Variants in SPATA13 observed in about 807,000 individuals in gnomAD.
The protein encoded by SPATA13 is spermatogenesis associated 13, also known as spermatogenesis-associated protein 13.
A neutral mutation model predicts 104.0 loss-of-function variants in SPATA13; 50 were observed. The observed-to-expected ratio is 0.48, with a 90% confidence interval of 0.38 to 0.61. SPATA13 has a LOEUF of 0.61. SPATA13 is among the 20% of genes least tolerant of loss of function. The probability of loss-of-function intolerance (pLI) is 0.00; values close to 1 mark genes in which losing one functional copy is unlikely to be tolerated. For missense variants in SPATA13, 1,524 were observed against 1,690.6 expected (o/e 0.90, Z 1.73); for synonymous variants, 606 against 667.5 (o/e 0.91, Z 1.42).
chr13:24,116,077 T>C (rs558728478), intron 3 of SPATA13, among the ~76,000 whole-genome samples: 1 of 152,348 alleles, frequency 6.6e-6, no homozygotes, highest in South Asian at 2.1e-4. Flanking sequence ...GGTGAGTATA[T>C]AGATGTCCTA....
At chr13:24,141,608 A>AT (rs1869475354) in intron 3 of SPATA13, among the ~76,000 whole-genome samples, 1 of 152,206 alleles carries the variant, frequency 6.6e-6, no homozygotes, top group Admixed American at 6.5e-5. Context: ...TCCCTGTGAT[A>AT]ACATGAGTAC....
At chr13:24,270,151 A>G (rs574524621) in intron 4 of SPATA13, among the ~76,000 whole-genome samples, 2 of 152,314 alleles carry the variant, frequency 1.3e-5, no homozygotes, top group South Asian at 4.1e-4. Context: ...CTCTTTGTTA[A>G]CAGTCATTTT....
At chr13:24,086,458 T>G (rs1879723062) in intron 3 of SPATA13, among the ~76,000 whole-genome samples, 1 of 151,972 alleles carries the variant, frequency 6.6e-6, no homozygotes. Context: ...TAGGGAAACG[T>G]GGGCAGTCAT....
intron 2 of SPATA13, among the ~76,000 whole-genome samples, chr13:24,245,195 T>G (rs1003173016): frequency 2.6e-5 from 4 of 152,100 alleles, no homozygotes; most frequent in African/African-American, 4.8e-5. Flanking sequence ...ATGGGACATG[T>G]GTGTCTACAG....
Position 24,224,026 on chromosome 13 carries a change from C to T in SPATA13, c.1097C>T (p.Ser366Phe), listed in dbSNP as rs1244076900. 2 of 1,549,184 alleles carry T rather than the reference C, an allele frequency of 1.3e-6. No individual in the cohort carries two copies. Among genetic ancestry groups the T allele is most frequent in the Non-Finnish European group, 1.7e-6 (2 of 1,145,748 alleles). ...CATGACGACTACTCCCGCCGCGTCT[C>T]CAGGAGCACTGAGCAGGACAGCAGG... ...RLHDDYSRRV[S>F]RSTEQDSRRG... The change falls in exon 2 of 13, where the codon TCC becomes TTC. Residue 366 changes from serine to phenylalanine, a missense_variant. Physicochemically the swap from Ser to Phe is radical, Grantham distance 155. Transcript: ENST00000382108.
intron 4 of SPATA13, among the ~76,000 whole-genome samples, chr13:24,254,977 C>G (rs1873710756): frequency 6.6e-6 from 1 of 152,196 alleles, no homozygotes; most frequent in South Asian, 2.1e-4. Context: ...ATCTCATGCT[C>G]TGCGGGTATT....
chr13:24,055,128 C>T (rs17079844), intron 3 of SPATA13, among the ~76,000 whole-genome samples: 1,813 of 152,296 alleles, frequency 0.012, 79 homozygotes, highest in East Asian at 0.11. Context: ...ACATATATGG[C>T]ACAGAGCGAT....
chr13:24,080,768 G>A (rs996659069), intron 3 of SPATA13, among the ~76,000 whole-genome samples: 1 of 152,168 alleles, frequency 6.6e-6, no homozygotes, highest in Non-Finnish European at 1.5e-5. Flanking sequence ...CATGTGGAAC[G>A]TCCATCGCAC....
chr13:24,017,156 C>G (rs567316031), intron 2 of SPATA13, among the ~76,000 whole-genome samples: 12 of 152,308 alleles, frequency 7.9e-5, no homozygotes, highest in African/African-American at 2.6e-4. Flanking sequence ...TCCTGAGTTA[C>G]GAATAGAGAA....
chr13:24,147,165 A>C (rs1025982971), intron 3 of SPATA13, among the ~76,000 whole-genome samples: 1 of 152,122 alleles, frequency 6.6e-6, no homozygotes, highest in African/African-American at 2.4e-5. Context: ...TTATAATTAA[A>C]ATTGTTTCAA....
intron 1 of SPATA13, chr13:23,980,065 CG>C (rs1874804487): frequency 6.6e-6 from 1 of 152,196 alleles, no homozygotes; most frequent in African/African-American, 2.4e-5. Context: ...TCAGCGGCTC[CG>C]GGTAGGAGAA....
intron 2 of SPATA13, among the ~76,000 whole-genome samples, chr13:24,237,881 ATT>A (rs1566166829): frequency 6.8e-6 from 1 of 147,982 alleles, no homozygotes; most frequent in African/African-American, 2.5e-5. Context: ...AATATATATC[ATT>A]TATAATATAT....
chr13:24,191,349 T>G (rs889567523), intron 1 of SPATA13, among the ~76,000 whole-genome samples: 1 of 152,050 alleles, frequency 6.6e-6, no homozygotes, highest in Non-Finnish European at 1.5e-5. Context: ...TACAGTATAA[T>G]GTACACATAA....
chr13:24,207,757 G>A (rs1870785770), intron 1 of SPATA13, among the ~76,000 whole-genome samples: 1 of 152,204 alleles, frequency 6.6e-6, no homozygotes, highest in Non-Finnish European at 1.5e-5. Context: ...TGCTACCTCT[G>A]CGCATCACCC....
intron 3 of SPATA13, among the ~76,000 whole-genome samples, chr13:24,144,854 T>C (rs530378618): frequency 3.3e-5 from 5 of 152,348 alleles, no homozygotes; most frequent in African/African-American, 1.2e-4. Context: ...CTTGCCTTTG[T>C]CTTCCAGTTT....
chr13:24,087,035 G>A (rs1028945872), intron 3 of SPATA13, among the ~76,000 whole-genome samples: 3 of 152,182 alleles, frequency 2.0e-5, no homozygotes, highest in Non-Finnish European at 1.5e-5. Flanking sequence ...AACAGCAATT[G>A]TGGAGAAACA....
intron 3 of SPATA13, among the ~76,000 whole-genome samples, chr13:24,036,328 G>C (rs1010007418): frequency 9.9e-5 from 15 of 152,190 alleles, no homozygotes; most frequent in African/African-American, 3.6e-4. Flanking sequence ...TTACATTTAG[G>C]CTGAATTTGT....
At chr13:24,087,070 C>G (rs1032389124) in intron 3 of SPATA13, among the ~76,000 whole-genome samples, 5 of 152,208 alleles carry the variant, frequency 3.3e-5, no homozygotes, top group Non-Finnish European at 7.4e-5. Context: ...CATGGGGTCC[C>G]TCCCCCAGTC....
intron 3 of SPATA13, among the ~76,000 whole-genome samples, chr13:24,150,031 A>T (rs935395034): frequency 6.6e-6 from 1 of 152,036 alleles, no homozygotes; most frequent in Non-Finnish European, 1.5e-5. Context: ...GGACTGTCCC[A>T]CAGAAAGCTG....
Sources: gnomAD v4.1 joint callset for allele counts (sites outside exome capture counted in the v4.1 genomes callset) on GRCh38, gnomAD v4.1.1 for gene constraint, MANE v1.5 for transcripts, NCBI Gene and HGNC (gene_info 2026-07-23, HGNC 2026-07-21) for gene names.